Variants in SVOPL observed in about 807,000 individuals in gnomAD.
SVOPL encodes the protein SVOP like.
In SVOPL, 60 loss-of-function variants were observed where a neutral mutation model predicts 61.0. The observed-to-expected ratio is 0.98, with a 90% CI of 0.80 to 1.22. SVOPL has a LOEUF of 1.22. Ranked by LOEUF, SVOPL falls within the 50% of genes most tolerant of loss-of-function variation. The pLI is 0.00. For synonymous variants in SVOPL, 279 were observed against 250.0 expected (o/e 1.12, Z -1.09); for missense variants, 662 against 643.9 (o/e 1.03, Z -0.30).
At chr7:138,682,426 G>T (rs901241038) in intron 1 of SVOPL, among the ~76,000 whole-genome samples, 2 of 152,162 alleles carry the variant, frequency 1.3e-5, no homozygotes, top group African/African-American at 4.8e-5. Flanking sequence ...CAGGAATCTA[G>T]CTCTAGCTAC....
intron 2 of SVOPL, 88 bp from the exon 3 acceptor site, chr7:138,678,613 T>C: frequency 7.5e-7 from 1 of 1,340,258 alleles, no homozygotes. Flanking sequence ...CAACCCATTA[T>C]TATAAAAACA....
At chr7:138,628,084 C>T in intron 11 of SVOPL, 74 bp downstream of exon 11, 2 of 1,551,426 alleles carry the variant, frequency 1.3e-6, no homozygotes, top group East Asian at 2.3e-5. Flanking sequence ...CAGGGTCACA[C>T]TTCTCTCAGC....
At chr7:138,644,261 C>T (rs1243118432) in intron 9 of SVOPL, among the ~76,000 whole-genome samples, 2 of 149,280 alleles carry the variant, frequency 1.3e-5, no homozygotes, top group Non-Finnish European at 3.0e-5. Context: ...TGCTATTCTC[C>T]AACCACTCAA....
chr7:138,679,176 C>A, intron 1 of SVOPL, 97 bp from the exon 2 acceptor site: 1 of 826,802 alleles, frequency 1.2e-6, no homozygotes, highest in South Asian at 1.8e-5. Context: ...TCCTGAAGCC[C>A]TCACAAAAAT....
intron 3 of SVOPL, among the ~76,000 whole-genome samples, chr7:138,677,626 T>G (rs760797556): frequency 1.3e-5 from 2 of 152,098 alleles, no homozygotes; most frequent in Non-Finnish European, 2.9e-5. Flanking sequence ...CTCCCAATCC[T>G]GAAGAGATTA....
intron 1 of SVOPL, among the ~76,000 whole-genome samples, chr7:138,687,228 C>CTTT (rs71179722): frequency 0.026 from 2,015 of 77,026 alleles, 3 homozygotes; most frequent in African/African-American, 0.033. Context: ...CTTTTTTCCT[C>CTTT]TTTTTTTTTT....
intron 7 of SVOPL, among the ~76,000 whole-genome samples, chr7:138,655,441 G>T (rs144191685): frequency 1.9e-3 from 282 of 152,102 alleles, no homozygotes; most frequent in African/African-American, 6.4e-3. Context: ...GGAGGCAGAG[G>T]TTGTAGTGAG....
At chr7:138,657,083 A>G (rs1801778223) in intron 6 of SVOPL, among the ~76,000 whole-genome samples, 2 of 151,720 alleles carry the variant, frequency 1.3e-5, no homozygotes, top group Admixed American at 1.3e-4. Context: ...TGTTTTGCCA[A>G]GGGAAGCACT....
intron 14 of SVOPL, 128 bp from the exon 15 acceptor site, chr7:138,596,658 C>T: frequency 7.1e-7 from 1 of 1,412,622 alleles, no homozygotes; most frequent in South Asian, 1.5e-5. Flanking sequence ...ACAGGTTGTA[C>T]CTTCCTGACA....
At chr7:138,632,920 T>C (rs1336923387) in intron 9 of SVOPL, among the ~76,000 whole-genome samples, 2 of 152,178 alleles carry the variant, frequency 1.3e-5, no homozygotes, top group Non-Finnish European at 2.9e-5. Flanking sequence ...TAAGACTTTT[T>C]CTTTTTGCAA....
chr7:138,700,997 G>A (rs1434276447), intron 1 of SVOPL, among the ~76,000 whole-genome samples, 181 bp downstream of exon 1: 2 of 152,034 alleles, frequency 1.3e-5, no homozygotes, highest in Non-Finnish European at 2.9e-5. Context: ...TTGGGCCACA[G>A]TAGATCTTTT....
chr7:138,698,119 T>G (rs1306653683), intron 1 of SVOPL, among the ~76,000 whole-genome samples: 55 of 124,970 alleles, frequency 4.4e-4, no homozygotes, highest in African/African-American at 8.0e-4. Context: ...GAGGGAAGAG[T>G]AGAGGTGGGA....
intron 1 of SVOPL, among the ~76,000 whole-genome samples, chr7:138,694,458 CT>C (rs1803023527): frequency 6.6e-6 from 1 of 152,042 alleles, no homozygotes; most frequent in Non-Finnish European, 1.5e-5. Flanking sequence ...GTTGGCCAGG[CT>C]GGTCTCGAAC....
chr7:138,594,507 A>G lies in SVOPL; in HGVS notation c.*103T>C. 1 of 1,059,080 alleles carries G rather than the reference A, an allele frequency of 9.4e-7. No homozygotes were observed. The highest frequency in any genetic ancestry group is 1.4e-6 in the Non-Finnish European group (1 of 726,288). 65.6% of individuals were successfully genotyped at this position (1,059,080 alleles called of 1,614,324 possible). ...TAAAAAAAAAATCACTTTACTAATT[A>G]CCGAGTAGCATACAGAAGTAAAACC... On this transcript the variant is annotated 3_prime_UTR_variant, in exon 16 of 16. Coordinates refer to ENST00000674285, the MANE Select transcript of SVOPL (RefSeq NM_001139456.2).
chr7:138,646,984 T>C (rs1237853480), intron 8 of SVOPL, among the ~76,000 whole-genome samples: 1 of 152,086 alleles, frequency 6.6e-6, no homozygotes, highest in East Asian at 1.9e-4. Flanking sequence ...CAGAAGAAAA[T>C]GGACATGGCT....
rs1374048414 is a variant in SVOPL at position 138,683,849 on chromosome 7, C to T, written c.-34-4770G>A. 4.3e-4 allele frequency among the ~76,000 whole-genome samples: 65 copies of T among 150,520 alleles called. 1 individual carries two copies. The highest frequency in any genetic ancestry group is 4.2e-4 in the South Asian group (2 of 4,780). On this transcript the variant is annotated intron_variant, in intron 1 of 15. Coordinates refer to ENST00000674285, the MANE Select transcript of SVOPL (RefSeq NM_001139456.2). ...CGGGCAGATCACAAGATCAGGAGTT[C>T]GAGACCAGTCTGGCCAACATGGTGA...
At chr7:138,670,409 T>C (rs549414399) in intron 4 of SVOPL, among the ~76,000 whole-genome samples, 1 of 152,288 alleles carries the variant, frequency 6.6e-6, no homozygotes, top group East Asian at 1.9e-4. Context: ...AACATCACTA[T>C]TGTAGAACCT....
chr7:138,599,757 G>A (rs1008934510), intron 14 of SVOPL, among the ~76,000 whole-genome samples: 2 of 152,032 alleles, frequency 1.3e-5, no homozygotes, highest in African/African-American at 2.4e-5. Flanking sequence ...GCGTGGTGGT[G>A]TGCACCTGTG....
In SVOPL at chr7:138,656,372, A is replaced by AT. The variant is rs768253487; in HGVS notation, c.534+75dup. ...AGCGAGCTGGTACCAAACCAGCAGT[A>AT]TTTCCAAGGTATGCCTATATGTACA... On this transcript the variant is annotated intron_variant, in intron 7 of 15. Coordinates refer to ENST00000674285, the MANE Select transcript of SVOPL (RefSeq NM_001139456.2). 1.2e-4 allele frequency: 180 copies of AT among 1,440,700 alleles called. 1 individual carries two copies. In the East Asian group the frequency reaches 2.8e-3, roughly 23 times the overall value. 89.2% of individuals were successfully genotyped at this position (1,440,700 alleles called of 1,614,324 possible).
Sources: gnomAD v4.1 joint callset for allele counts (sites outside exome capture counted in the v4.1 genomes callset) on GRCh38, gnomAD v4.1.1 for gene constraint, MANE v1.5 for transcripts, NCBI Gene and HGNC (gene_info 2026-07-23, HGNC 2026-07-21) for gene names.